ZNF277: variants seen among roughly 807,000 people sequenced by gnomAD.
ZNF277 encodes nuclear receptor-interacting factor 4.
ZNF277 carries 55 observed loss-of-function variants against 60.7 expected under a neutral mutation model. The ratio of observed to expected loss-of-function variants is 0.91; its 90% CI spans 0.73 to 1.13. The LOEUF (loss-of-function observed/expected upper bound fraction) is 1.13, where lower values mean the gene tolerates loss of function less well. ZNF277 is among the 50% of genes most tolerant of loss of function. The pLI, the probability that ZNF277 is intolerant of heterozygous loss-of-function variation, is 0.00. For missense variants in ZNF277, 510 were observed against 523.0 expected (o/e 0.98, Z 0.24); for synonymous variants, 178 against 179.3 (o/e 0.99, Z 0.06).
chr7:112,296,612 G>A (rs1035276282), intron 4 of ZNF277, among the ~76,000 whole-genome samples: 2 of 151,826 alleles, frequency 1.3e-5, no homozygotes, highest in Non-Finnish European at 2.9e-5. Flanking sequence ...ACACATGCTA[G>A]GGTTCAGTAG....
At chr7:112,303,078 G>A (rs1020224624) in intron 4 of ZNF277, among the ~76,000 whole-genome samples, 4 of 151,610 alleles carry the variant, frequency 2.6e-5, no homozygotes, top group African/African-American at 9.7e-5. Flanking sequence ...CTCCCGAGGA[G>A]TAGCTGGGAT....
At chr7:112,292,533 T>C (rs540404172) in intron 2 of ZNF277, among the ~76,000 whole-genome samples, 2 of 152,136 alleles carry the variant, frequency 1.3e-5, no homozygotes, top group Non-Finnish European at 2.9e-5. Context: ...GGGAAAAAAA[T>C]GCTTCAACTC....
chr7:112,267,892 C>T (rs1791585838), intron 1 of ZNF277, among the ~76,000 whole-genome samples: 1 of 152,144 alleles, frequency 6.6e-6, no homozygotes, highest in African/African-American at 2.4e-5. Context: ...GATGCTCCCA[C>T]AGACGAGTGA....
At chr7:112,225,685 A>G (rs568690958) in intron 1 of ZNF277, among the ~76,000 whole-genome samples, 15 of 152,262 alleles carry the variant, frequency 9.9e-5, no homozygotes, top group African/African-American at 2.9e-4. Context: ...TTAAAGACAA[A>G]CTAAGACCTT....
intron 1 of ZNF277, among the ~76,000 whole-genome samples, chr7:112,260,648 C>G (rs10252768): frequency 0.07 from 10,570 of 152,070 alleles, 1,053 homozygotes; most frequent in African/African-American, 0.22. Flanking sequence ...TTCTAGGAAG[C>G]GATAAGCCTT....
At chr7:112,209,403 A>G (rs1821675569) in intron 1 of ZNF277, among the ~76,000 whole-genome samples, 1 of 152,216 alleles carries the variant, frequency 6.6e-6, no homozygotes, top group Admixed American at 6.5e-5. Flanking sequence ...TTGAGGAAAT[A>G]ATCCAGGACC....
intron 2 of ZNF277, among the ~76,000 whole-genome samples, chr7:112,295,411 A>T (rs1199864515): frequency 6.6e-6 from 1 of 152,154 alleles, no homozygotes; most frequent in Non-Finnish European, 1.5e-5. Context: ...TATTGAATTT[A>T]GACTGATTTC....
intron 1 of ZNF277, among the ~76,000 whole-genome samples, chr7:112,250,030 G>A (rs1038908221): frequency 2.6e-5 from 4 of 152,162 alleles, no homozygotes; most frequent in Admixed American, 1.3e-4. Context: ...TGAGCCGGGC[G>A]GAACAGAGCC....
At position 112,336,116 on chromosome 7, in the gene ZNF277, T is replaced by C. The variant is rs779756531; in HGVS notation, c.814T>C (p.Ser272Pro). Residue 272 changes from serine to proline, a missense_variant, in exon 8 of 12, where the codon TCG becomes CCG. By Grantham distance (74) the Ser-to-Pro change is moderately conservative (BLOSUM62 -1). Transcript: ENST00000361822. Reference protein sequence around the residue: ...YVINYLELGKSWEEVQLEDDR... With the variant: ...YVINYLELGKPWEEVQLEDDR... ...TCTTCCTACAAAGGAACTTGGAAAATCGTGGGAAGAAGTTCAGTTGGAAGA... is the reference window on the plus strand; with the variant it reads ...TCTTCCTACAAAGGAACTTGGAAAACCGTGGGAAGAAGTTCAGTTGGAAGA... 2 of 1,610,760 alleles carry C rather than the reference T, an allele frequency of 1.2e-6. No homozygotes were observed. The highest frequency in any genetic ancestry group is 2.2e-5 in the South Asian group (2 of 90,574).
At chr7:112,295,838 C>T in intron 2 of ZNF277, 31 bp from the exon 3 acceptor site, 2 of 1,521,782 alleles carry the variant, frequency 1.3e-6, no homozygotes, top group Non-Finnish European at 1.8e-6. Context: ...ATTGAATCTT[C>T]TCATCGTTCC....
chr7:112,299,686 G>A (rs996192683), intron 4 of ZNF277, among the ~76,000 whole-genome samples: 1 of 152,100 alleles, frequency 6.6e-6, no homozygotes, highest in Non-Finnish European at 1.5e-5. Flanking sequence ...CAATCAAACT[G>A]CTTAATGATA....
intron 1 of ZNF277, among the ~76,000 whole-genome samples, chr7:112,221,975 T>C (rs1822042884): frequency 6.6e-6 from 1 of 152,254 alleles, no homozygotes; most frequent in Admixed American, 6.5e-5. Flanking sequence ...TCCTTCATCC[T>C]ATTAACATGG....
chr7:112,305,656 T>C (rs780614542), intron 4 of ZNF277, among the ~76,000 whole-genome samples: 2 of 152,114 alleles, frequency 1.3e-5, no homozygotes, highest in African/African-American at 2.4e-5. Flanking sequence ...CCAAGTCAAC[T>C]GTTTTCACCA....
intron 2 of ZNF277, among the ~76,000 whole-genome samples, chr7:112,293,972 T>C (rs1792268516): frequency 2.0e-5 from 3 of 152,344 alleles, no homozygotes; most frequent in Non-Finnish European, 2.9e-5. Flanking sequence ...CTGCCATGTA[T>C]AAATTTGATT....
chr7:112,292,811 A>C (rs1440432644), intron 2 of ZNF277, among the ~76,000 whole-genome samples: 2 of 152,126 alleles, frequency 1.3e-5, no homozygotes, highest in African/African-American at 2.4e-5. Flanking sequence ...TTAGCCACCT[A>C]TATGTGCCCT....
intron 5 of ZNF277, among the ~76,000 whole-genome samples, chr7:112,321,678 G>A (rs1020653420): frequency 4.0e-5 from 6 of 151,892 alleles, no homozygotes; most frequent in Non-Finnish European, 1.5e-5. Context: ...TTCAGTTTCT[G>A]TTTATCTGGA....
At chr7:112,227,897 C>G (rs192785884) in intron 1 of ZNF277, among the ~76,000 whole-genome samples, 3 of 151,958 alleles carry the variant, frequency 2.0e-5, no homozygotes, top group Admixed American at 2.0e-4. Context: ...AATTTTAAGT[C>G]TAATAGTTCA....
chr7:112,295,843 C>T (rs748198099), intron 2 of ZNF277, 26 bp from the exon 3 acceptor site: 39 of 1,538,912 alleles, frequency 2.5e-5, no homozygotes, highest in African/African-American at 4.1e-5. Context: ...ATCTTCTCAT[C>T]GTTCCTTATT....
chr7:112,336,152 TTGC>T lies in ZNF277; in HGVS notation c.853_855del (p.Leu285del). 1 of 1,610,744 alleles carries T rather than the reference TTGC, an allele frequency of 6.2e-7. No individual in the cohort carries two copies. Among genetic ancestry groups the T allele is most frequent in the Non-Finnish European group, 8.5e-7 (1 of 1,178,208 alleles). ...AGTTCAGTTGGAAGATGATCGGGAG[TTGC>T]TGGACCATCAGGAAGAGTAAGAGTT... On this transcript the variant is annotated inframe_deletion, in exon 8 of 12. Coordinates refer to ENST00000361822, the MANE Select transcript of ZNF277 (RefSeq NM_021994.3).
Sources: allele counts gnomAD v4.1 joint callset (sites outside exome capture counted in the v4.1 genomes callset), GRCh38; gene constraint gnomAD v4.1.1; transcripts MANE v1.5; gene names NCBI Gene and HGNC (gene_info 2026-07-23, HGNC 2026-07-21).